ZSCAN4: variants seen among roughly 807,000 people sequenced by gnomAD.
ZSCAN4 encodes zinc finger and SCAN domain-containing protein 4.
In ZSCAN4, 18 loss-of-function variants were observed where a neutral mutation model predicts 18.3. The observed-to-expected ratio is 0.98, with a 90% confidence interval of 0.68 to 1.46. The LOEUF is 1.46. ZSCAN4 is among the 40% of genes most tolerant of loss of function. The pLI is 0.00. For missense variants in ZSCAN4, 498 were observed against 511.4 expected, an observed-to-expected ratio of 0.97 and a Z score of 0.25; for synonymous variants, 193 against 180.3, an observed-to-expected ratio of 1.07 and a Z score of -0.57.
upstream of ZSCAN4, among the ~76,000 whole-genome samples, chr19:57,666,659 G>T (rs1335148305): frequency 1.3e-5 from 2 of 151,692 alleles, no homozygotes; most frequent in Admixed American, 1.3e-4. Flanking sequence ...TGAGGTGGGC[G>T]GATCACCTGA....
chr19:57,679,001 T>TA, exon 5 of ZSCAN4: 1 of 1,334,516 alleles, frequency 7.5e-7, no homozygotes, highest in Non-Finnish European at 9.8e-7. Flanking sequence ...CTCCTGATTA[T>TA]GCTTTCAATT....
intron 3 of ZSCAN4, among the ~76,000 whole-genome samples, chr19:57,677,281 A>G (rs374251747): frequency 5.3e-5 from 8 of 152,300 alleles, no homozygotes; most frequent in Admixed American, 3.3e-4. Context: ...TCATTTTCAG[A>G]TATGTGCAGG....
the ZSCAN4 span, among the ~76,000 whole-genome samples, chr19:57,661,925 A>G: frequency 6.6e-6 from 1 of 152,052 alleles, no homozygotes; most frequent in Admixed American, 6.6e-5. Flanking sequence ...TACTAAAAAT[A>G]AAAAAATTAG....
the ZSCAN4 span, among the ~76,000 whole-genome samples, chr19:57,654,328 C>A: frequency 4.2e-4 from 64 of 151,986 alleles, no homozygotes; most frequent in Non-Finnish European, 7.6e-4. Flanking sequence ...CAACTGGACA[C>A]TTCCCTCTCC....
chr19:57,675,617 C>A lies in ZSCAN4; in HGVS notation c.-105-424C>A, dbSNP rs189505601. On this transcript the variant is annotated intron_variant, in intron 2 of 4. Coordinates refer to ENST00000318203, the Ensembl canonical transcript of ZSCAN4. ...CCTAATAGTTCTAGTTTATTAAGTG[C>A]CTTTTTCAGGAATAAACATTGGCAT... Among the ~76,000 whole-genome samples the A allele has an allele frequency of 2.2e-4, 33 of 152,228 alleles. No homozygotes were observed. The East Asian group carries it at 6.0e-3, about 28-fold the overall frequency.
chr19:57,651,538 G>A, the ZSCAN4 span, among the ~76,000 whole-genome samples: 1 of 152,074 alleles, frequency 6.6e-6, no homozygotes, highest in South Asian at 2.1e-4. Flanking sequence ...TGTAAGCAGG[G>A]GTGGACTCCA....
the ZSCAN4 span, among the ~76,000 whole-genome samples, chr19:57,661,197 G>A: frequency 4.6e-5 from 7 of 152,082 alleles, no homozygotes; most frequent in Non-Finnish European, 7.4e-5. Context: ...TGGAATAAAC[G>A]TATGTGTCTA....
the ZSCAN4 span, among the ~76,000 whole-genome samples, chr19:57,663,519 C>CAAAAAAAAAAAAAAA: frequency 4.0e-3 from 74 of 18,298 alleles, 3 homozygotes; most frequent in African/African-American, 0.015. Context: ...AACCATGTCT[C>CAAAAAAAAAAAAAAA]TAAAAAAAAA....
At chr19:57,654,757 C>T in the ZSCAN4 span, among the ~76,000 whole-genome samples, 1 of 152,180 alleles carries the variant, frequency 6.6e-6, no homozygotes, top group Admixed American at 6.5e-5. Context: ...TTTTCACCAT[C>T]CCCTTGGATC....
At chr19:57,655,187 C>A in the ZSCAN4 span, among the ~76,000 whole-genome samples, 1 of 152,194 alleles carries the variant, frequency 6.6e-6, no homozygotes, top group African/African-American at 2.4e-5. Context: ...TCCTTTCCTT[C>A]TTGAGCCTTG....
At chr19:57,676,437 T>G (rs759657511) in exon 3 of ZSCAN4, 22 of 1,614,076 alleles carry the variant, frequency 1.4e-5, no homozygotes, top group Non-Finnish European at 1.9e-5. Flanking sequence ...TGGTGGCCAC[T>G]GCAATGACAA....
chr19:57,668,444 A>G (rs1165004118), upstream of ZSCAN4, among the ~76,000 whole-genome samples: 2 of 152,162 alleles, frequency 1.3e-5, no homozygotes, highest in East Asian at 3.9e-4. Context: ...AATGTGGGGA[A>G]GTCAAGCAGA....
upstream of ZSCAN4, among the ~76,000 whole-genome samples, chr19:57,667,715 CAA>C (rs1275506568): frequency 6.6e-6 from 1 of 152,154 alleles, no homozygotes; most frequent in Non-Finnish European, 1.5e-5. Context: ...TAACCTCCTC[CAA>C]ACAGAAATTG....
At chr19:57,663,332 A>G in the ZSCAN4 span, among the ~76,000 whole-genome samples, 1 of 151,952 alleles carries the variant, frequency 6.6e-6, no homozygotes, top group African/African-American at 2.4e-5. Context: ...ACATTTATGT[A>G]CACATACACA....
chr19:57,657,404 A>G, the ZSCAN4 span, among the ~76,000 whole-genome samples: 1 of 152,236 alleles, frequency 6.6e-6, no homozygotes, highest in Non-Finnish European at 1.5e-5. Flanking sequence ...TTAAGGAACT[A>G]CAAATGAAAA....
chr19:57,657,215 C>G, the ZSCAN4 span, among the ~76,000 whole-genome samples: 309 of 151,204 alleles, frequency 2.0e-3, no homozygotes, highest in Non-Finnish European at 3.7e-3. Flanking sequence ...GAGATCGCGC[C>G]ACTGTACTCC....
the ZSCAN4 span, among the ~76,000 whole-genome samples, chr19:57,652,178 T>C: frequency 1.3e-5 from 2 of 151,996 alleles, no homozygotes; most frequent in African/African-American, 2.4e-5. Context: ...AAGACACCCC[T>C]CTCAGATACT....
the ZSCAN4 span, among the ~76,000 whole-genome samples, chr19:57,653,808 AG>A: frequency 6.6e-6 from 1 of 152,200 alleles, no homozygotes; most frequent in Non-Finnish European, 1.5e-5. Flanking sequence ...CCCTAATCCC[AG>A]GCTGCCCTCA....
chr19:57,657,717 C>G, the ZSCAN4 span, among the ~76,000 whole-genome samples: 3 of 152,048 alleles, frequency 2.0e-5, no homozygotes, highest in Non-Finnish European at 4.4e-5. Flanking sequence ...GATACCAAAA[C>G]CTGAAGATGT....
Sources: allele counts gnomAD v4.1 joint callset (sites outside exome capture counted in the v4.1 genomes callset), GRCh38; gene constraint gnomAD v4.1.1; transcripts MANE v1.5; gene names NCBI Gene and HGNC (gene_info 2026-07-23, HGNC 2026-07-21).